Variants in PDSS2 observed in about 807,000 individuals in gnomAD.
PDSS2 encodes all trans-polyprenyl-diphosphate synthase PDSS2.
Under a neutral mutation model 44.5 loss-of-function variants are expected in PDSS2, and 31 were observed. That is an observed-to-expected ratio of 0.70 (90% CI 0.52 to 0.94). The LOEUF is 0.94. PDSS2 is among the 40% of genes least tolerant of loss of function. The probability of loss-of-function intolerance (pLI) is 0.00; values close to 1 mark genes in which losing one functional copy is unlikely to be tolerated. For missense variants in PDSS2, 452 were observed against 482.2 expected (o/e 0.94, Z 0.59); for synonymous variants, 157 against 180.3 (o/e 0.87, Z 1.03).
At chr6:107,213,606 A>C (rs758303921) in intron 4 of PDSS2, among the ~76,000 whole-genome samples, 11 of 152,148 alleles carry the variant, frequency 7.2e-5, no homozygotes, top group Non-Finnish European at 1.5e-4. Flanking sequence ...TAAAAATAGA[A>C]AAATTAGCCG....
intron 2 of PDSS2, among the ~76,000 whole-genome samples, chr6:107,301,609 C>T (rs1214552506): frequency 6.6e-6 from 1 of 151,896 alleles, no homozygotes; most frequent in South Asian, 2.1e-4. Context: ...TATATTGTTG[C>T]TATTTATAAT....
chr6:107,277,970 G>GAATA (rs1011873692), intron 2 of PDSS2, among the ~76,000 whole-genome samples: 25 of 150,206 alleles, frequency 1.7e-4, no homozygotes, highest in African/African-American at 3.4e-4. Context: ...AAAAATAAAT[G>GAATA]AATAAATAAA....
intron 5 of PDSS2, 104 bp downstream of exon 5, chr6:107,212,005 A>G (rs1161523500): frequency 8.5e-6 from 8 of 938,948 alleles, no homozygotes; most frequent in Non-Finnish European, 1.4e-5. Flanking sequence ...CCACACAATA[A>G]GCATTTTTGA....
intron 1 of PDSS2, among the ~76,000 whole-genome samples, chr6:107,377,336 A>G (rs1368938755): frequency 6.6e-6 from 1 of 152,212 alleles, no homozygotes; most frequent in African/African-American, 2.4e-5. Context: ...CCACAATAAC[A>G]TACCATCTCA....
rs528729166 is a variant in PDSS2 at position 107,318,894 on chromosome 6, A to G, written c.431+15304T>C. On this transcript the variant is annotated intron_variant, in intron 2 of 7. Transcript: ENST00000369037. Reference sequence around the variant, plus strand: ...TCCCAGCTACTTGGGAGGCTGAGGCAGGAGAATCACTTGAACCCAGGAGAC... The same window carrying G: ...TCCCAGCTACTTGGGAGGCTGAGGCGGGAGAATCACTTGAACCCAGGAGAC... 1.3e-3 allele frequency among the ~76,000 whole-genome samples: 192 copies of G among 152,252 alleles called. 1 individual carries two copies. The highest frequency in any genetic ancestry group is 1.3e-3 in the Non-Finnish European group (91 of 68,008).
At position 107,415,528 on chromosome 6, in the gene PDSS2, T is replaced by C. The variant is rs149690268; in HGVS notation, c.296+43462A>G. 2.5e-3 allele frequency among the ~76,000 whole-genome samples: 374 copies of C among 152,126 alleles called. 1 individual carries two copies. Among genetic ancestry groups the C allele is most frequent in the African/African-American group, 8.6e-3 (355 of 41,502 alleles). On this transcript the variant is annotated intron_variant, in intron 1 of 7. Transcript: ENST00000369037. ...TAAGACACCAAGCAGAATCAGTAGA[T>C]TCAACTAAAATCACTGAAAAAGAGG...
At chr6:107,163,735 T>A (rs2114309248) in intron 7 of PDSS2, among the ~76,000 whole-genome samples, 1 of 151,860 alleles carries the variant, frequency 6.6e-6, no homozygotes, top group East Asian at 1.9e-4. Context: ...CCTGGGTAGG[T>A]GGGATTACAG....
chr6:107,321,933 C>G (rs1777393874), intron 2 of PDSS2, among the ~76,000 whole-genome samples: 1 of 152,140 alleles, frequency 6.6e-6, no homozygotes, highest in Admixed American at 6.5e-5. Flanking sequence ...CACTTCCACC[C>G]CTGCAAACTG....
intron 2 of PDSS2, among the ~76,000 whole-genome samples, chr6:107,294,447 A>G (rs1776445370): frequency 2.6e-5 from 4 of 151,886 alleles, no homozygotes; most frequent in Admixed American, 1.3e-4. Context: ...GGGTCTTTCT[A>G]TATTGTCCAG....
At chr6:107,292,648 C>T (rs1212131818) in intron 2 of PDSS2, among the ~76,000 whole-genome samples, 1 of 152,156 alleles carries the variant, frequency 6.6e-6, no homozygotes, top group African/African-American at 2.4e-5. Context: ...TAAAGAATAA[C>T]CAAGCCAGGT....
intron 7 of PDSS2, among the ~76,000 whole-genome samples, chr6:107,171,603 C>T (rs1022282025): frequency 1.3e-5 from 2 of 152,048 alleles, no homozygotes; most frequent in Admixed American, 1.3e-4. Context: ...CCTCAAATTC[C>T]AGCCTCAAGC....
Position 107,154,231 on chromosome 6 carries a change from C to T in PDSS2, c.*388G>A, listed in dbSNP as rs1209579740. On this transcript the variant is annotated 3_prime_UTR_variant, in exon 8 of 8. Coordinates refer to ENST00000369037, the MANE Select transcript of PDSS2 (RefSeq NM_020381.4). ...TTGGTATTGAGAGCATTTCTCTTGACACCTGCAGCTTCCAACTTGCTTTGT... is the reference window on the plus strand; with the variant it reads ...TTGGTATTGAGAGCATTTCTCTTGATACCTGCAGCTTCCAACTTGCTTTGT... 3.5e-6 allele frequency: 1 copy of T among 285,634 alleles called. No individual in the cohort carries two copies. Among genetic ancestry groups the T allele is most frequent in the Non-Finnish European group, 6.7e-6 (1 of 148,510 alleles). 17.7% of individuals were successfully genotyped at this position (285,634 alleles called of 1,614,324 possible). A position where few individuals can be genotyped will look rare whatever the true frequency, so the allele number is the denominator to read the frequency against.
intron 1 of PDSS2, among the ~76,000 whole-genome samples, chr6:107,399,880 C>T (rs540300379): frequency 4.5e-4 from 68 of 151,972 alleles, no homozygotes; most frequent in African/African-American, 1.5e-3. Flanking sequence ...TGTTAGCATA[C>T]CTCATCCATT....
chr6:107,452,479 G>A (rs1376894660), intron 1 of PDSS2, among the ~76,000 whole-genome samples: 2 of 152,004 alleles, frequency 1.3e-5, no homozygotes, highest in Admixed American at 6.6e-5. Context: ...TGATCCACCT[G>A]CCTCGGCCTC....
intron 3 of PDSS2, among the ~76,000 whole-genome samples, chr6:107,264,770 A>G (rs1775357833): frequency 1.3e-5 from 2 of 152,174 alleles, no homozygotes; most frequent in African/African-American, 4.8e-5. Context: ...ATTAGTTAGC[A>G]TGTCTCACTG....
intron 1 of PDSS2, among the ~76,000 whole-genome samples, chr6:107,400,948 T>C (rs985122997): frequency 1.6e-4 from 24 of 152,328 alleles, no homozygotes; most frequent in African/African-American, 5.5e-4. Context: ...GCAGATACTA[T>C]AATGCGCTGA....
intron 2 of PDSS2, among the ~76,000 whole-genome samples, chr6:107,274,667 C>CTTTTTT (rs5878910): frequency 3.2e-4 from 34 of 106,570 alleles, no homozygotes; most frequent in Non-Finnish European, 3.7e-4. Context: ...ATCTCTCTCT[C>CTTTTTT]TTTTTTTTTT....
chr6:107,290,890 T>C (rs921389214), intron 2 of PDSS2, among the ~76,000 whole-genome samples: 1 of 152,160 alleles, frequency 6.6e-6, no homozygotes, highest in African/African-American at 2.4e-5. Context: ...GTTTGTGTTT[T>C]ATCTCTCCCC....
At chr6:107,269,052 G>A (rs1377706350) in intron 3 of PDSS2, among the ~76,000 whole-genome samples, 1 of 151,310 alleles carries the variant, frequency 6.6e-6, no homozygotes, top group African/African-American at 2.4e-5. Context: ...CGATTCTCCT[G>A]CCTCAGCCTC....
Sources: gnomAD v4.1 joint callset for allele counts (sites outside exome capture counted in the v4.1 genomes callset) on GRCh38, gnomAD v4.1.1 for gene constraint, MANE v1.5 for transcripts, NCBI Gene and HGNC (gene_info 2026-07-23, HGNC 2026-07-21) for gene names.